Variants in SEPTIN14 observed in about 807,000 individuals in gnomAD.
SEPTIN14 encodes septin-14.
SEPTIN14 carries 40 observed loss-of-function variants against 53.6 expected under a neutral mutation model. The observed-to-expected ratio is 0.75, with a 90% confidence interval of 0.58 to 0.97. The LOEUF is 0.97. Among genes scored for constraint, SEPTIN14 ranks in the 50% least tolerant of loss-of-function variants. The pLI is 0.00. For synonymous variants in SEPTIN14, 138 were observed against 166.8 expected (o/e 0.83, Z 1.33); for missense variants, 471 against 508.2 (o/e 0.93, Z 0.70).
At chr7:55,816,583 G>A (rs533688823) in intron 7 of SEPTIN14, among the ~76,000 whole-genome samples, 1 of 151,776 alleles carries the variant, frequency 6.6e-6, no homozygotes, top group African/African-American at 2.4e-5. Context: ...GATCACCTGA[G>A]GTCAGGAGTT....
chr7:55,814,226 A>G (rs1054367222), intron 7 of SEPTIN14, among the ~76,000 whole-genome samples: 5 of 152,150 alleles, frequency 3.3e-5, no homozygotes, highest in African/African-American at 1.2e-4. Context: ...CTTCTCAAAT[A>G]GAATAGGCAC....
intron 5 of SEPTIN14, among the ~76,000 whole-genome samples, chr7:55,839,048 A>G (rs1264184098): frequency 6.6e-6 from 1 of 152,144 alleles, no homozygotes; most frequent in Non-Finnish European, 1.5e-5. Flanking sequence ...ACATGTAGGC[A>G]TTGTATTATC....
chr7:55,862,527 A>C (rs1013715694), intron 1 of SEPTIN14, among the ~76,000 whole-genome samples, 161 bp downstream of exon 1: 2 of 152,142 alleles, frequency 1.3e-5, no homozygotes, highest in African/African-American at 4.8e-5. Context: ...AATAATGATA[A>C]TTCTCATTTA....
At chr7:55,826,197 T>A (rs1420349572) in intron 6 of SEPTIN14, among the ~76,000 whole-genome samples, 3 of 152,110 alleles carry the variant, frequency 2.0e-5, no homozygotes, top group African/African-American at 4.8e-5. Flanking sequence ...GTAGATCTAC[T>A]CTTTTACCAA....
At chr7:55,836,558 A>G (rs7809751) in intron 5 of SEPTIN14, among the ~76,000 whole-genome samples, 116,629 of 152,012 alleles carry the variant, frequency 0.77, 45,568 homozygotes, top group East Asian at 0.96. Context: ...GACCAACATG[A>G]ACAAACCCCG....
chr7:55,831,308 A>G (rs6978852), intron 6 of SEPTIN14, among the ~76,000 whole-genome samples: 30,506 of 152,144 alleles, frequency 0.2, 4,048 homozygotes, highest in East Asian at 0.43. Flanking sequence ...ATAAAGAACC[A>G]GTAATAAAAT....
intron 4 of SEPTIN14, among the ~76,000 whole-genome samples, 191 bp downstream of exon 4, chr7:55,844,332 G>C (rs1437951658): frequency 6.6e-6 from 1 of 151,854 alleles, no homozygotes; most frequent in Non-Finnish European, 1.5e-5. Context: ...TGCTATAACT[G>C]GCTAAATAAA....
chr7:55,807,274 T>G lies in SEPTIN14; in HGVS notation c.818-16A>C. On this transcript the variant is annotated splice_polypyrimidine_tract_variant and intron_variant, in intron 7 of 9. Transcript: ENST00000388975. ...TCATTTTCCACTAGTAAAAAAATAA[T>G]AATGAATCAACAACATTCAGTATCA... is the stretch of plus-strand genomic sequence containing the variant. The G allele has an allele frequency of 1.3e-6, 2 of 1,533,812 alleles. No individual in the cohort carries two copies. Among genetic ancestry groups the G allele is most frequent in the Non-Finnish European group, 1.8e-6 (2 of 1,132,996 alleles).
intron 9 of SEPTIN14, among the ~76,000 whole-genome samples, chr7:55,803,761 A>G (rs1028674081): frequency 4.8e-4 from 73 of 152,076 alleles, no homozygotes; most frequent in African/African-American, 1.5e-3. Context: ...AACTAAGGGA[A>G]GTGAGGTGGG....
At chr7:55,802,586 A>G (rs1321631427) in intron 9 of SEPTIN14, among the ~76,000 whole-genome samples, 2 of 152,182 alleles carry the variant, frequency 1.3e-5, no homozygotes, top group East Asian at 3.9e-4. Context: ...AAACATATGT[A>G]AATCTCAACT....
chr7:55,848,280 G>A lies in SEPTIN14; in HGVS notation c.55-1643C>T, dbSNP rs113559330. ...GGGCTCCAGCAATTTTCCAGCCTCGGCCTCTAGAAAAGCTGGGACTACATG... is the reference window on the plus strand; with the variant it reads ...GGGCTCCAGCAATTTTCCAGCCTCGACCTCTAGAAAAGCTGGGACTACATG... On this transcript the variant is annotated intron_variant, in intron 2 of 9. Transcript: ENST00000388975. Among the ~76,000 whole-genome samples the A allele has an allele frequency of 1.1e-3, 164 of 152,230 alleles. 1 individual carries two copies. Among genetic ancestry groups the A allele is most frequent in the African/African-American group, 3.6e-3 (151 of 41,548 alleles).
chr7:55,846,048 CAGA>C (rs1789396980), intron 3 of SEPTIN14, among the ~76,000 whole-genome samples: 1 of 9,568 alleles, frequency 1.0e-4, no homozygotes, highest in African/African-American at 3.0e-4. Flanking sequence ...GACTCCGTCT[CAGA>C]AAAAAAAAAA....
chr7:55,841,044 C>G (rs1297273807), intron 5 of SEPTIN14, among the ~76,000 whole-genome samples: 2 of 152,084 alleles, frequency 1.3e-5, no homozygotes, highest in Non-Finnish European at 2.9e-5. Flanking sequence ...GGATTACAGG[C>G]GCCTGCTACA....
intron 6 of SEPTIN14, among the ~76,000 whole-genome samples, chr7:55,820,526 G>A (rs1788873848): frequency 6.6e-6 from 1 of 152,132 alleles, no homozygotes; most frequent in Non-Finnish European, 1.5e-5. Context: ...CTTAATAGAA[G>A]TGTCATTGAT....
At chr7:55,824,073 T>G (rs11981883) in intron 6 of SEPTIN14, among the ~76,000 whole-genome samples, 8,946 of 152,196 alleles carry the variant, frequency 0.059, 566 homozygotes, top group African/African-American at 0.16. Context: ...CAGGTGACTT[T>G]GAATTTAGCA....
At position 55,846,504 on chromosome 7, in the gene SEPTIN14, G is replaced by A; in HGVS notation, c.175+13C>T. On this transcript the variant is annotated intron_variant, in intron 3 of 9. Coordinates refer to ENST00000388975, the MANE Select transcript of SEPTIN14 (RefSeq NM_207366.3). ...AATGAAGGAATAATTCAAATGAGGT[G>A]TTTGACACTTACCCACACAGAGAAT... 12 of 1,563,492 alleles carry A rather than the reference G, an allele frequency of 7.7e-6. No individual in the cohort carries two copies. The highest frequency in any genetic ancestry group is 1.2e-5 in the South Asian group (1 of 83,630).
intron 6 of SEPTIN14, among the ~76,000 whole-genome samples, chr7:55,830,564 C>T (rs181082452): frequency 1.3e-4 from 20 of 150,334 alleles, no homozygotes; most frequent in Non-Finnish European, 4.5e-5. Flanking sequence ...AGGATAGTCT[C>T]GATTTCCTGA....
At chr7:55,811,249 T>G (rs1358539200) in intron 7 of SEPTIN14, 1 of 524,694 alleles carries the variant, frequency 1.9e-6, no homozygotes, top group African/African-American at 1.9e-5. Context: ...ATCTGGATGT[T>G]GTAGAGTTTA....
chr7:55,860,152 C>G (rs1390830506), intron 2 of SEPTIN14, among the ~76,000 whole-genome samples: 2 of 149,284 alleles, frequency 1.3e-5, no homozygotes, highest in Non-Finnish European at 3.0e-5. Flanking sequence ...GCACTCCAGC[C>G]TGGGCAACAA....
Sources: gnomAD v4.1 joint callset for allele counts (sites outside exome capture counted in the v4.1 genomes callset) on GRCh38, gnomAD v4.1.1 for gene constraint, MANE v1.5 for transcripts, NCBI Gene and HGNC (gene_info 2026-07-23, HGNC 2026-07-21) for gene names.